Variants in SOHLH1 observed in about 807,000 individuals in gnomAD.
The protein encoded by SOHLH1 is spermatogenesis- and oogenesis-specific basic helix-loop-helix-containing protein 1.
In SOHLH1, 23 loss-of-function variants were observed where a neutral mutation model predicts 36.2. The ratio of observed to expected loss-of-function variants is 0.64; its 90% CI spans 0.46 to 0.90. The LOEUF (loss-of-function observed/expected upper bound fraction) is 0.90. Among genes scored for constraint, SOHLH1 ranks in the 40% least tolerant of loss-of-function variants. The pLI is 0.00. For synonymous variants in SOHLH1, 289 were observed against 228.3 expected, an observed-to-expected ratio of 1.27 and a Z score of -2.40; for missense variants, 608 against 517.0, an observed-to-expected ratio of 1.18 and a Z score of -1.71.
intron 5 of SOHLH1, 76 bp from the exon 6 acceptor site, chr9:135,695,339 C>T (rs951962847): frequency 1.5e-5 from 21 of 1,406,086 alleles, no homozygotes; most frequent in Middle Eastern, 2.4e-4. Context: ...TCGTGACTCA[C>T]GGGCTCGGTC....
In SOHLH1 at chr9:135,693,510, C is replaced by T; in HGVS notation, c.*87G>A. On this transcript the variant is annotated 3_prime_UTR_variant, in exon 8 of 8. Coordinates refer to ENST00000425225, the MANE Select transcript of SOHLH1 (RefSeq NM_001101677.2). Reference sequence around the variant, plus strand: ...ATTAGGGTGCAGCTGCAACCCAAACCCAAAATAAAATGCCCAAGCACGCGA... The same window carrying T: ...ATTAGGGTGCAGCTGCAACCCAAACTCAAAATAAAATGCCCAAGCACGCGA... 6.8e-7 allele frequency: 1 copy of T among 1,474,516 alleles called. No individual in the cohort carries two copies. The highest frequency in any genetic ancestry group is 2.3e-5 in the Admixed American group (1 of 42,906). The allele number at this position is 1,474,516 out of a possible 1,614,324, so 91.3% of individuals were successfully genotyped here. A position where few individuals can be genotyped will look rare whatever the true frequency, so the allele number is the denominator to read the frequency against.
Position 135,693,751 on chromosome 9 carries a change from T to C in SOHLH1, c.1010A>G (p.Asp337Gly), listed in dbSNP as rs1834682361. ...AWAPAESSPL[D>G]VGEPGFLGDP... Reference sequence around the variant, plus strand: ...CCCTAGGAAGCCTGGCTCTCCAACATCCAGTGGACTGCTCTCAGCTGGGGC... The same window carrying C: ...CCCTAGGAAGCCTGGCTCTCCAACACCCAGTGGACTGCTCTCAGCTGGGGC... The change falls in exon 8 of 8, where the codon GAT becomes GGT. Residue 337 changes from aspartate (D) to glycine (G), a missense_variant. By Grantham distance (94) the Asp-to-Gly change is moderately conservative (BLOSUM62 -1). Coordinates refer to ENST00000425225, the MANE Select transcript of SOHLH1 (RefSeq NM_001101677.2). 1 of 1,577,866 alleles carries C rather than the reference T, an allele frequency of 6.3e-7. No individual in the cohort carries two copies. The highest frequency in any genetic ancestry group is 1.4e-5 in the African/African-American group (1 of 73,906).
chr9:135,696,234 G>A (rs1164478249), intron 5 of SOHLH1, among the ~76,000 whole-genome samples: 3 of 147,228 alleles, frequency 2.0e-5, no homozygotes, highest in East Asian at 3.9e-4. Flanking sequence ...GTCCCTCTAC[G>A]TCCCCATGCT....
At chr9:135,701,313 G>A (rs1835027846), upstream of SOHLH1, among the ~76,000 whole-genome samples, 1 of 152,148 alleles carries the variant, frequency 6.6e-6, no homozygotes, top group Non-Finnish European at 1.5e-5. Flanking sequence ...GGGGAGGCCA[G>A]GGACCACAAA....
chr9:135,697,779 G>A (rs948186677), intron 3 of SOHLH1, 152 bp from the exon 4 acceptor site: 14 of 940,032 alleles, frequency 1.5e-5, no homozygotes, highest in African/African-American at 1.2e-4. Flanking sequence ...GGTTGACAAC[G>A]AGGCTGAGGT....
In SOHLH1 at chr9:135,699,459, G is replaced by A. The variant is rs1364462645; in HGVS notation, c.9C>T (p.Ser3=). 1 of 1,612,206 alleles carries A rather than the reference G, an allele frequency of 6.2e-7. No homozygotes were observed. The part of the protein sequence containing the change: MA[S]RCSEPYPEVS... ...CCTCCGGGTAGGGCTCGGAGCACCG[G>A]GACGCCATGAACTCGCAGCTGCGGA... is the stretch of plus-strand genomic sequence containing the variant. The change falls in exon 1 of 8, where the codon TCC becomes TCT. Residue 3 remains serine (S), a synonymous_variant. Coordinates refer to ENST00000425225, the MANE Select transcript of SOHLH1 (RefSeq NM_001101677.2).
intron 7 of SOHLH1, chr9:135,694,151 C>T (rs1834697872): frequency 4.2e-6 from 6 of 1,435,076 alleles, no homozygotes; most frequent in Middle Eastern, 2.6e-4. Context: ...GGGCTCCAAG[C>T]ACCGCCAGCT....
At chr9:135,699,240 C>CTA in intron 1 of SOHLH1, 114 bp from the exon 2 acceptor site, 1 of 1,519,672 alleles carries the variant, frequency 6.6e-7, no homozygotes, top group Non-Finnish European at 8.9e-7. Flanking sequence ...GACTGGGTCA[C>CTA]GTAGGGACAC....
At position 135,693,660 on chromosome 9, in the gene SOHLH1, G is replaced by A. The variant is rs747211055; in HGVS notation, c.1101C>T (p.Asp367=). ...SPLEPWGLDV[D]CAGLALKDEV... Reference sequence around the variant, plus strand: ...CGTCCTTCAGGGCCAGGCCTGCACAGTCCACATCCAGGCCCCACGGCTCCA... The same window carrying A: ...CGTCCTTCAGGGCCAGGCCTGCACAATCCACATCCAGGCCCCACGGCTCCA... Residue 367 remains aspartate, a synonymous_variant, in exon 8 of 8, where the codon GAC becomes GAT. Coordinates refer to ENST00000425225, the MANE Select transcript of SOHLH1 (RefSeq NM_001101677.2). 80 of 1,588,166 alleles carry A rather than the reference G, an allele frequency of 5.0e-5. No homozygotes were observed. The highest frequency in any genetic ancestry group is 6.8e-5 in the Non-Finnish European group (80 of 1,168,048).
At chr9:135,694,960 G>A in intron 6 of SOHLH1, 90 bp downstream of exon 6, 1 of 1,370,810 alleles carries the variant, frequency 7.3e-7, no homozygotes, top group Non-Finnish European at 1.0e-6. Context: ...GAGAAAGTGG[G>A]CCCAAGCAGG....
In SOHLH1 at chr9:135,693,607, A is replaced by G; in HGVS notation, c.1154T>C (p.Phe385Ser). 6.4e-7 allele frequency: 1 copy of G among 1,573,190 alleles called. No homozygotes were observed. Among genetic ancestry groups the G allele is most frequent in the Non-Finnish European group, 8.6e-7 (1 of 1,158,966 alleles). The change falls in exon 8 of 8, where the codon TTT becomes TCT. Residue 385 changes from phenylalanine to serine, a missense_variant. Transcript: ENST00000425225. ...TCCACAGCCTGGCTGCTAGCAGGCA[A>G]AGAAGTCAGGGAAGATGCTCTCCAC... ...DEVESIFPDFFAC is the reference protein window; with the variant it reads ...DEVESIFPDFSAC
In SOHLH1 at chr9:135,698,351, C is replaced by T. The variant is rs1834892456; in HGVS notation, c.323G>A (p.Gly108Glu). ...CACAGCGTGCTGCTCCTGACTGGGC[C>T]CCAGGGCGCTGGCAAGCCGCAGGAA... ...VQFLRLASALGPSQEQHAILA... is the reference protein window; with the variant it reads ...VQFLRLASALEPSQEQHAILA... Residue 108 changes from glycine to glutamate, a missense_variant, in exon 3 of 8, where the codon GGG becomes GAG. Physicochemically the swap from Gly to Glu is moderately conservative, Grantham distance 98 (BLOSUM62 -2). Coordinates refer to ENST00000425225, the MANE Select transcript of SOHLH1 (RefSeq NM_001101677.2). 1 of 1,613,042 alleles carries T rather than the reference C, an allele frequency of 6.2e-7. No individual in the cohort carries two copies.
At chr9:135,697,312 C>G (rs539172469) in intron 4 of SOHLH1, among the ~76,000 whole-genome samples, 194 bp downstream of exon 4, 34 of 152,182 alleles carry the variant, frequency 2.2e-4, no homozygotes, top group East Asian at 1.9e-4. Context: ...CGCGCTCCCC[C>G]CTTGCTGGAG....
chr9:135,699,907 C>G (rs893141203), upstream of SOHLH1, among the ~76,000 whole-genome samples: 1 of 152,000 alleles, frequency 6.6e-6, no homozygotes. Flanking sequence ...TAGCCCAGGC[C>G]TGGGGGACCC....
rs772392838 is a variant in SOHLH1 at position 135,699,066 on chromosome 9, G to C, written c.126C>G (p.Pro42=). 5.6e-6 allele frequency: 9 copies of C among 1,610,878 alleles called. No homozygotes were observed. Among genetic ancestry groups the C allele is most frequent in the East Asian group, 2.2e-5 (1 of 44,866 alleles). Residue 42 remains proline (P), a synonymous_variant, in exon 2 of 8, where the codon CCC becomes CCG. Coordinates refer to ENST00000425225, the MANE Select transcript of SOHLH1 (RefSeq NM_001101677.2). The stretch of plus-strand genomic sequence containing the variant: ...GACCCTCGGCCACCGTAGGGGCCTT[G>C]GGCGGGCCCGAGCCCCGGGCCGAGT... ...CEDSARGSGP[P]KAPTVAEGPS... is the part of the protein sequence containing the mutation.
rs781208982 is a variant in SOHLH1 at position 135,696,628 on chromosome 9, C to A, written c.645G>T (p.Gly215=). Residue 215 remains glycine, a synonymous_variant, in exon 5 of 8, where the codon GGG becomes GGT. Coordinates refer to ENST00000425225, the MANE Select transcript of SOHLH1 (RefSeq NM_001101677.2). ...AGGACTCACCTGAGAAAGGGGGCAG[C>A]CCACCCCGCACCTGGCACAGCCCCA... The part of the protein sequence containing the change: ...ALLGLCQVRG[G]LPPFSEPSSL... 1 of 1,612,434 alleles carries A rather than the reference C, an allele frequency of 6.2e-7. No homozygotes were observed. The highest frequency in any genetic ancestry group is 8.5e-7 in the Non-Finnish European group (1 of 1,179,724).
upstream of SOHLH1, among the ~76,000 whole-genome samples, chr9:135,699,989 AG>A (rs1172971552): frequency 6.6e-6 from 1 of 151,956 alleles, no homozygotes; most frequent in African/African-American, 2.4e-5. Context: ...CCCCAAATCT[AG>A]TACGCTTGCA....
chr9:135,694,041 TG>T, intron 7 of SOHLH1: 1 of 1,425,244 alleles, frequency 7.0e-7, no homozygotes, highest in Admixed American at 2.9e-5. Flanking sequence ...AAATCCTAAA[TG>T]GAATGGACAC....
Position 135,695,277 on chromosome 9 carries a change from C to T in SOHLH1, c.662-14G>A. 1.9e-6 allele frequency: 3 copies of T among 1,581,218 alleles called. No homozygotes were observed. Among genetic ancestry groups the T allele is most frequent in the Non-Finnish European group, 2.6e-6 (3 of 1,165,392 alleles). ...GGCTGGAAGGTTCTGGGAGAGAAGTCAGATGCGGGTCAGCCTTCCCTGCCC... is the reference window on the plus strand; with the variant it reads ...GGCTGGAAGGTTCTGGGAGAGAAGTTAGATGCGGGTCAGCCTTCCCTGCCC... On this transcript the variant is annotated splice_polypyrimidine_tract_variant and intron_variant, in intron 5 of 7. Transcript: ENST00000425225.
Sources: gnomAD v4.1 joint callset for allele counts (sites outside exome capture counted in the v4.1 genomes callset) on GRCh38, gnomAD v4.1.1 for gene constraint, MANE v1.5 for transcripts, NCBI Gene and HGNC (gene_info 2026-07-23, HGNC 2026-07-21) for gene names.